The following PCSK5 variants were observed in gnomAD, a reference collection of about 807,000 sequenced individuals.
PCSK5 encodes prohormone convertase 5.
In PCSK5, 129 loss-of-function variants were observed where a neutral mutation model predicts 233.2. The observed-to-expected ratio is 0.55, with a 90% CI of 0.48 to 0.64. The LOEUF is 0.64. PCSK5 is among the 30% of genes least tolerant of loss of function. The pLI is 0.00. For synonymous variants in PCSK5, 825 were observed against 879.2 expected, an observed-to-expected ratio of 0.94 and a Z score of 1.09; for missense variants, 2,076 against 2,430.1, an observed-to-expected ratio of 0.85 and a Z score of 3.06.
At chr9:76,209,097 C>T (rs1825228000) in intron 20 of PCSK5, among the ~76,000 whole-genome samples, 1 of 152,214 alleles carries the variant, frequency 6.6e-6, no homozygotes, top group Non-Finnish European at 1.5e-5. Context: ...AAGGATATTT[C>T]AAGCCTAGAT....
At chr9:76,129,591 C>T (rs1260660852) in intron 9 of PCSK5, among the ~76,000 whole-genome samples, 1 of 152,092 alleles carries the variant, frequency 6.6e-6, no homozygotes, top group Non-Finnish European at 1.5e-5. Flanking sequence ...TTAATAAGTG[C>T]AGGTGAGTCA....
At chr9:76,295,594 A>G (rs1274026775) in intron 26 of PCSK5, among the ~76,000 whole-genome samples, 183 bp downstream of exon 26, 1 of 152,196 alleles carries the variant, frequency 6.6e-6, no homozygotes, top group African/African-American at 2.4e-5. Flanking sequence ...TTCTGCTTTT[A>G]TTACTGAAGC....
rs779421275 is a variant in PCSK5 at position 76,239,061 on chromosome 9, A to C, written c.2969A>C (p.Asp990Ala). 3 of 1,611,488 alleles carry C rather than the reference A, an allele frequency of 1.9e-6. No homozygotes were observed. The highest frequency in any genetic ancestry group is 2.5e-6 in the Non-Finnish European group (3 of 1,179,358). Residue 990 changes from aspartate (D) to alanine (A), a missense_variant, in exon 23 of 38, where the codon GAC (aspartate) becomes GCC (alanine). Physicochemically the swap from Asp to Ala is moderately radical, Grantham distance 126. Coordinates refer to ENST00000674117, the MANE Select transcript of PCSK5 (RefSeq NM_001372043.1). ...TEGNTCLPCP[D>A]NCELCHSVHV... is the part of the protein sequence containing the mutation. ...GGGAACACCTGCCTGCCCTGCCCAG[A>C]CAACTGTGAGCTTTGCCACAGCGTG...
intron 5 of PCSK5, among the ~76,000 whole-genome samples, chr9:76,036,028 A>T (rs959518257): frequency 6.6e-6 from 1 of 152,148 alleles, no homozygotes; most frequent in African/African-American, 2.4e-5. Context: ...ATGCTGAAAA[A>T]AATAAATAAA....
chr9:75,906,046 C>T (rs976989953), intron 1 of PCSK5, among the ~76,000 whole-genome samples: 7 of 152,144 alleles, frequency 4.6e-5, no homozygotes, highest in East Asian at 1.9e-4. Context: ...TCTGCTCACA[C>T]GGTGCTTGCG....
Position 76,301,269 on chromosome 9 carries a change from C to CAAA in PCSK5, c.3524-856_3524-854dup, listed in dbSNP as rs35450863. On this transcript the variant is annotated intron_variant, in intron 27 of 37. Transcript: ENST00000674117. ...CCTGGGCAACAGAGCGCGACTCTCT[C>CAAA]AAAAAAAAAAAAAAGAAAGAAAAGA... Among the ~76,000 whole-genome samples, 9 of 129,096 alleles carry CAAA rather than the reference C, an allele frequency of 7.0e-5. No homozygotes were observed. In the East Asian group the frequency reaches 1.7e-3, roughly 25 times the overall value. The allele number at this position is 129,096 out of a possible 152,430, so 84.7% of individuals were successfully genotyped here.
chr9:76,297,553 GC>G, intron 27 of PCSK5, among the ~76,000 whole-genome samples: 1 of 152,156 alleles, frequency 6.6e-6, no homozygotes, highest in Admixed American at 6.5e-5. Context: ...TCACACTTGA[GC>G]GTCAGTTATA....
At chr9:76,117,250 A>G (rs1380687616) in intron 9 of PCSK5, among the ~76,000 whole-genome samples, 1 of 152,142 alleles carries the variant, frequency 6.6e-6, no homozygotes, top group African/African-American at 2.4e-5. Flanking sequence ...TAAGCTGAGC[A>G]CAAATGTGTG....
intron 2 of PCSK5, among the ~76,000 whole-genome samples, chr9:75,965,670 G>C (rs191582807): frequency 6.6e-6 from 1 of 152,302 alleles, no homozygotes; most frequent in Admixed American, 6.5e-5. Flanking sequence ...TATACCCAAA[G>C]AGAGTATTTA....
At chr9:76,254,523 C>A (rs141771191) in intron 24 of PCSK5, among the ~76,000 whole-genome samples, 131 of 151,804 alleles carry the variant, frequency 8.6e-4, no homozygotes, top group African/African-American at 3.1e-3. Context: ...TATCTCACTT[C>A]TTTTATCTCT....
rs12350613 is a variant in PCSK5, at chr9:76,091,911, G to T, written c.895-3979G>T. Among the ~76,000 whole-genome samples the T allele has an allele frequency of 4.1e-3, 618 of 152,190 alleles. 7 individuals are homozygous for T. The highest frequency in any genetic ancestry group is 0.014 in the African/African-American group (596 of 41,520). ...CCTCAAATTATCTGTTCGACACAAGGACGTCACCTCTGTCTGGAAGGGACA... is the reference window on the plus strand; with the variant it reads ...CCTCAAATTATCTGTTCGACACAAGTACGTCACCTCTGTCTGGAAGGGACA... On this transcript the variant is annotated intron_variant, in intron 7 of 37. Transcript: ENST00000674117.
At chr9:75,931,562 T>C (rs1823801664) in intron 1 of PCSK5, among the ~76,000 whole-genome samples, 1 of 152,190 alleles carries the variant, frequency 6.6e-6, no homozygotes, top group African/African-American at 2.4e-5. Context: ...ATAGTTCAAT[T>C]TTCATTCTAT....
At chr9:76,269,537 A>C (rs1827441870) in intron 24 of PCSK5, among the ~76,000 whole-genome samples, 1 of 152,216 alleles carries the variant, frequency 6.6e-6, no homozygotes, top group Admixed American at 6.5e-5. Flanking sequence ...CTCCATTTGT[A>C]ACTAGACAGC....
At chr9:76,020,232 AG>A (rs1828123639) in intron 3 of PCSK5, among the ~76,000 whole-genome samples, 1 of 152,228 alleles carries the variant, frequency 6.6e-6, no homozygotes, top group South Asian at 2.1e-4. Flanking sequence ...TCAAATAAAT[AG>A]GGCCTAGTTT....
intron 22 of PCSK5, among the ~76,000 whole-genome samples, chr9:76,234,014 T>C (rs1826177269): frequency 1.3e-5 from 2 of 152,092 alleles, no homozygotes; most frequent in African/African-American, 4.8e-5. Flanking sequence ...AGCAAGGTCA[T>C]CGTTTCAAAT....
chr9:76,315,740 C>T (rs1370647931), intron 30 of PCSK5, among the ~76,000 whole-genome samples: 1 of 146,108 alleles, frequency 6.8e-6, no homozygotes, highest in East Asian at 2.0e-4. Flanking sequence ...TCAAGCGATT[C>T]TTCTGCCTCA....
At chr9:76,297,482 G>A (rs1032161400) in intron 27 of PCSK5, among the ~76,000 whole-genome samples, 1 of 152,122 alleles carries the variant, frequency 6.6e-6, no homozygotes, top group African/African-American at 2.4e-5. Context: ...TGGGAGCTTG[G>A]AATCCAACAG....
chr9:76,075,851 C>T (rs530931789), intron 7 of PCSK5, among the ~76,000 whole-genome samples: 2 of 152,246 alleles, frequency 1.3e-5, no homozygotes, highest in South Asian at 4.1e-4. Flanking sequence ...TTAAGCTTAG[C>T]GAGCTCCCAC....
At chr9:76,257,367 C>T (rs1269955314) in intron 24 of PCSK5, among the ~76,000 whole-genome samples, 1 of 152,192 alleles carries the variant, frequency 6.6e-6, no homozygotes, top group Non-Finnish European at 1.5e-5. Context: ...GTGGATAAGA[C>T]AGGAGCATCT....
Sources: allele counts gnomAD v4.1 joint callset (sites outside exome capture counted in the v4.1 genomes callset), GRCh38; gene constraint gnomAD v4.1.1; transcripts MANE v1.5; gene names NCBI Gene and HGNC (gene_info 2026-07-23, HGNC 2026-07-21).